DPYD: variants seen among roughly 807,000 people sequenced by gnomAD.
DPYD encodes dihydropyrimidine dehydrogenase, also known as dihydropyrimidine dehydrogenase [NADP(+)].
DPYD carries 109 observed loss-of-function variants against 116.2 expected under a neutral mutation model. That is an observed-to-expected ratio of 0.94 (90% CI 0.80 to 1.10). The LOEUF (loss-of-function observed/expected upper bound fraction) is 1.10, where lower values mean the gene tolerates loss of function less well. Among genes scored for constraint, DPYD ranks in the 50% least tolerant of loss-of-function variants. The pLI is 0.00. For missense variants in DPYD, 1,302 were observed against 1,254.5 expected (o/e 1.04, Z -0.57); for synonymous variants, 440 against 432.0 (o/e 1.02, Z -0.23).
At chr1:97,843,274 C>T (rs1670127677) in intron 2 of DPYD, among the ~76,000 whole-genome samples, 1 of 152,152 alleles carries the variant, frequency 6.6e-6, no homozygotes, top group African/African-American at 2.4e-5. Flanking sequence ...CAGCTTCTCA[C>T]TATAGCAATA....
Position 97,234,472 on chromosome 1 carries a change from T to TAATG in DPYD, c.2442+376_2442+379dup, listed in dbSNP as rs573229597. Among the ~76,000 whole-genome samples the TAATG allele has an allele frequency of 2.6e-3, 397 of 152,314 alleles. 2 individuals carry two copies. The highest frequency in any genetic ancestry group is 9.2e-3 in the African/African-American group (382 of 41,582). On this transcript the variant is annotated intron_variant, in intron 19 of 22. Coordinates refer to ENST00000370192, the MANE Select transcript of DPYD (RefSeq NM_000110.4). ...CCAGGAATCTCAGGATCAAATTTGG[T>TAATG]AATGACATAGATTTTCATACCCTTG...
At chr1:97,482,938 T>C (rs1678406067) in intron 13 of DPYD, among the ~76,000 whole-genome samples, 1 of 152,184 alleles carries the variant, frequency 6.6e-6, no homozygotes, top group Admixed American at 6.5e-5. Context: ...TAAATATTGG[T>C]CACAACAGAA....
chr1:97,813,791 T>G (rs1668439790), intron 3 of DPYD, among the ~76,000 whole-genome samples: 1 of 152,166 alleles, frequency 6.6e-6, no homozygotes. Context: ...TTTAAATATC[T>G]GTATATAATT....
At chr1:97,140,882 T>C (rs1240166995) in intron 20 of DPYD, among the ~76,000 whole-genome samples, 1 of 152,210 alleles carries the variant, frequency 6.6e-6, no homozygotes, top group Non-Finnish European at 1.5e-5. Context: ...AAGATGTTTC[T>C]GGCTTGTTTT....
intron 14 of DPYD, among the ~76,000 whole-genome samples, chr1:97,392,606 T>G (rs2101606382): frequency 6.6e-6 from 1 of 152,196 alleles, no homozygotes; most frequent in East Asian, 1.9e-4. Context: ...AAAACTCAGT[T>G]ACTGCTTTAT....
At chr1:97,577,514 C>G (rs1303853188) in intron 10 of DPYD, among the ~76,000 whole-genome samples, 1 of 152,066 alleles carries the variant, frequency 6.6e-6, no homozygotes, top group Non-Finnish European at 1.5e-5. Flanking sequence ...GGCACTGGCC[C>G]GCAGGTCCCA....
rs527249841 is a variant in DPYD, at chr1:97,728,241, C to T, written c.322-6570G>A. Among the ~76,000 whole-genome samples, 116 of 152,148 alleles carry T rather than the reference C, an allele frequency of 7.6e-4. 1 individual carries two copies. The highest frequency in any genetic ancestry group is 2.6e-3 in the Admixed American group (40 of 15,264). ...ACATTAGGCATTGAATGTTCTTTGG[C>T]CCACTAATTTACCCACAATTTGCAG... is the stretch of plus-strand genomic sequence containing the variant. On this transcript the variant is annotated intron_variant, in intron 4 of 22. Coordinates refer to ENST00000370192, the MANE Select transcript of DPYD (RefSeq NM_000110.4).
chr1:97,176,583 G>T (rs892074845), intron 20 of DPYD, among the ~76,000 whole-genome samples: 12 of 152,280 alleles, frequency 7.9e-5, no homozygotes, highest in African/African-American at 2.6e-4. Flanking sequence ...ATGCCAAAGT[G>T]CTTTCTAAAT....
At chr1:97,671,649 TACTTA>T (rs908091464) in intron 8 of DPYD, among the ~76,000 whole-genome samples, 1 of 152,098 alleles carries the variant, frequency 6.6e-6, no homozygotes, top group African/African-American at 2.4e-5. Flanking sequence ...TTTTTCCAAT[TACTTA>T]ACTTCAAAAA....
At chr1:97,824,954 G>C (rs1054018435) in intron 3 of DPYD, among the ~76,000 whole-genome samples, 5 of 152,116 alleles carry the variant, frequency 3.3e-5, no homozygotes, top group African/African-American at 9.7e-5. Context: ...TTGTTGCATT[G>C]TATTTTCCCT....
intron 20 of DPYD, among the ~76,000 whole-genome samples, chr1:97,163,020 T>A (rs1435374646): frequency 1.1e-4 from 17 of 151,294 alleles, no homozygotes; most frequent in Non-Finnish European, 1.9e-4. Context: ...CCTAAAACCA[T>A]AAAAACCCTA....
At chr1:97,558,500 G>T (rs946788789) in intron 11 of DPYD, among the ~76,000 whole-genome samples, 1 of 152,118 alleles carries the variant, frequency 6.6e-6, no homozygotes. Context: ...ACTGACTAGG[G>T]AAGAATGGGC....
chr1:97,760,627 T>A (rs1665522156), intron 3 of DPYD, among the ~76,000 whole-genome samples: 2 of 152,104 alleles, frequency 1.3e-5, no homozygotes, highest in South Asian at 2.1e-4. Context: ...GATTTCAGTA[T>A]CACTGGGGAT....
intron 13 of DPYD, among the ~76,000 whole-genome samples, chr1:97,514,048 G>C (rs530925573): frequency 4.0e-5 from 6 of 151,752 alleles, no homozygotes; most frequent in Admixed American, 1.3e-4. Flanking sequence ...AAAAAACCCC[G>C]CATGGTTACA....
rs183157957 is a variant in DPYD at position 97,448,803 on chromosome 1, C to T, written c.1905+1256G>A. 1.9e-3 allele frequency among the ~76,000 whole-genome samples: 294 copies of T among 151,962 alleles called. 1 individual carries two copies. Among genetic ancestry groups the T allele is most frequent in the Middle Eastern group, 0.01 (3 of 294 alleles). ...ATAAGCAGAAACTATAGATTTTAGA[C>T]GGGTCACGATAGTTCCCTTCACATC... On this transcript the variant is annotated intron_variant, in intron 14 of 22. Coordinates refer to ENST00000370192, the MANE Select transcript of DPYD (RefSeq NM_000110.4).
chr1:97,376,014 C>A (rs1239167243), intron 15 of DPYD, among the ~76,000 whole-genome samples: 1 of 152,196 alleles, frequency 6.6e-6, no homozygotes, highest in Non-Finnish European at 1.5e-5. Context: ...ATTAATTGAG[C>A]ATTTACAATA....
intron 19 of DPYD, among the ~76,000 whole-genome samples, chr1:97,212,670 T>C (rs1213051942): frequency 6.6e-6 from 1 of 152,120 alleles, no homozygotes; most frequent in Non-Finnish European, 1.5e-5. Context: ...AGTTGCACCG[T>C]TTTATATTCC....
At chr1:97,777,798 T>C (rs1054682570) in intron 3 of DPYD, among the ~76,000 whole-genome samples, 1 of 152,138 alleles carries the variant, frequency 6.6e-6, no homozygotes, top group Non-Finnish European at 1.5e-5. Context: ...AGCCATTATG[T>C]ACTAACCTGT....
At chr1:97,311,486 C>G (rs893758827) in intron 16 of DPYD, among the ~76,000 whole-genome samples, 12 of 151,640 alleles carry the variant, frequency 7.9e-5, no homozygotes, top group Admixed American at 2.6e-4. Flanking sequence ...CAATGTGATG[C>G]CATTATCTAT....
Sources: allele counts gnomAD v4.1 joint callset (sites outside exome capture counted in the v4.1 genomes callset), GRCh38; gene constraint gnomAD v4.1.1; transcripts MANE v1.5; gene names NCBI Gene and HGNC (gene_info 2026-07-23, HGNC 2026-07-21).